The following RGS6 variants were observed in gnomAD, a reference collection of about 807,000 sequenced individuals.
The protein encoded by RGS6 is regulator of G-protein signaling 6.
RGS6 carries 30 observed loss-of-function variants against 78.5 expected under a neutral mutation model. That is an observed-to-expected ratio of 0.38 (90% confidence interval 0.29 to 0.52). The LOEUF (loss-of-function observed/expected upper bound fraction) is 0.52, where lower values mean the gene tolerates loss of function less well. Ranked by LOEUF, RGS6 falls within the 20% of genes least tolerant of loss-of-function variation. The probability of loss-of-function intolerance (pLI) is 0.85; values close to 1 mark genes in which losing one functional copy is unlikely to be tolerated. For synonymous variants in RGS6, 206 were observed against 206.0 expected (o/e 1.00, Z 0.00); for missense variants, 495 against 609.7 (o/e 0.81, Z 1.98).
At chr14:72,167,780 C>T (rs899645966) in intron 2 of RGS6, among the ~76,000 whole-genome samples, 1 of 152,112 alleles carries the variant, frequency 6.6e-6, no homozygotes, top group Non-Finnish European at 1.5e-5. Flanking sequence ...ACATTATCAC[C>T]AGGAGAAGTG....
chr14:72,339,165 A>T (rs557016886), intron 2 of RGS6, among the ~76,000 whole-genome samples: 1 of 152,154 alleles, frequency 6.6e-6, no homozygotes, highest in Non-Finnish European at 1.5e-5. Flanking sequence ...CCAGCCCCCA[A>T]TGTGATACTG....
chr14:72,186,080 C>A (rs1478955293), intron 2 of RGS6, among the ~76,000 whole-genome samples: 1 of 152,222 alleles, frequency 6.6e-6, no homozygotes, highest in African/African-American at 2.4e-5. Context: ...CATATCTAGG[C>A]AGCTGGCGTG....
At chr14:72,005,065 G>T (rs965577050) in intron 2 of RGS6, among the ~76,000 whole-genome samples, 11 of 152,164 alleles carry the variant, frequency 7.2e-5, no homozygotes, top group African/African-American at 2.7e-4. Flanking sequence ...AGTTGTAATT[G>T]CCTGGGTCTT....
At chr14:72,369,763 G>A (rs1252985341) in intron 3 of RGS6, among the ~76,000 whole-genome samples, 1 of 152,088 alleles carries the variant, frequency 6.6e-6, no homozygotes, top group African/African-American at 2.4e-5. Context: ...CAGGTCTAAT[G>A]TAGTTTAAAA....
At chr14:72,499,677 GT>G (rs997455810) in intron 13 of RGS6, among the ~76,000 whole-genome samples, 5 of 148,508 alleles carry the variant, frequency 3.4e-5, no homozygotes, top group South Asian at 2.1e-4. Context: ...TTTGTTTGTT[GT>G]TTTTTTTTTA....
chr14:72,170,272 G>A (rs958264648), intron 2 of RGS6, among the ~76,000 whole-genome samples: 1 of 152,158 alleles, frequency 6.6e-6, no homozygotes, highest in Admixed American at 6.5e-5. Context: ...ACAGACTGAG[G>A]TAGACCTTAT....
intron 2 of RGS6, among the ~76,000 whole-genome samples, chr14:71,995,684 G>A (rs1482479468): frequency 1.3e-5 from 2 of 152,170 alleles, no homozygotes; most frequent in Non-Finnish European, 2.9e-5. Context: ...CACCTGAAAT[G>A]TTCCCTTATA....
At chr14:72,405,802 G>A (rs564524584) in intron 3 of RGS6, among the ~76,000 whole-genome samples, 78 of 152,136 alleles carry the variant, frequency 5.1e-4, no homozygotes, top group Non-Finnish European at 8.8e-4. Context: ...GCCTTCTTTG[G>A]TGATGGGATT....
At chr14:72,458,500 T>C in intron 5 of RGS6, 123 bp downstream of exon 5, 1 of 719,632 alleles carries the variant, frequency 1.4e-6, no homozygotes, top group Non-Finnish European at 2.3e-6. Context: ...TCATCAGCAC[T>C]GGGAAAGCCA....
chr14:72,101,269 G>A (rs2095522244), intron 2 of RGS6, among the ~76,000 whole-genome samples: 1 of 152,180 alleles, frequency 6.6e-6, no homozygotes, highest in South Asian at 2.1e-4. Context: ...TGAAACAACA[G>A]ATGAAACAGG....
At chr14:72,182,080 G>A (rs2097179778) in intron 2 of RGS6, among the ~76,000 whole-genome samples, 1 of 152,186 alleles carries the variant, frequency 6.6e-6, no homozygotes, top group Non-Finnish European at 1.5e-5. Context: ...ATGAAATCAG[G>A]TGTGAGGTTT....
rs1443037842 is a variant in RGS6 at position 72,228,630 on chromosome 14, T to C, written c.85-123465T>C. On this transcript the variant is annotated intron_variant, in intron 2 of 17. Coordinates refer to ENST00000553525, the MANE Select transcript of RGS6 (RefSeq NM_001204424.2). Reference sequence around the variant, plus strand: ...ACAGAAGATGAACTTGAATCGAACATTGAATGTAGCAATAGTAGTGTGGGA... The same window carrying C: ...ACAGAAGATGAACTTGAATCGAACACTGAATGTAGCAATAGTAGTGTGGGA... 3.3e-5 allele frequency among the ~76,000 whole-genome samples: 5 copies of C among 152,142 alleles called. No homozygotes were observed. In the South Asian group the frequency reaches 8.3e-4, roughly 25 times the overall value.
intron 2 of RGS6, among the ~76,000 whole-genome samples, chr14:72,218,104 A>G (rs10132818): frequency 0.46 from 70,183 of 151,994 alleles, 16,583 homozygotes; most frequent in Middle Eastern, 0.6. Context: ...AGCGTGTCCC[A>G]TAGGTGAACA....
chr14:72,081,908 A>G (rs1478147289), intron 2 of RGS6, among the ~76,000 whole-genome samples: 2 of 152,030 alleles, frequency 1.3e-5, no homozygotes, highest in African/African-American at 4.8e-5. Context: ...AATAATGCGG[A>G]AAGTTCTCAT....
chr14:72,441,009 G>C (rs1028382947), intron 3 of RGS6, among the ~76,000 whole-genome samples: 1 of 152,190 alleles, frequency 6.6e-6, no homozygotes, highest in Admixed American at 6.5e-5. Context: ...GTTAGTGTGA[G>C]TGTTGCCTGC....
At chr14:72,616,372 A>G in the RGS6 span, among the ~76,000 whole-genome samples, 1 of 152,072 alleles carries the variant, frequency 6.6e-6, no homozygotes, top group African/African-American at 2.4e-5. Context: ...CCCCAACCCC[A>G]TGTACATCCC....
chr14:71,948,046 G>A (rs2091791904), intron 1 of RGS6, among the ~76,000 whole-genome samples: 2 of 152,272 alleles, frequency 1.3e-5, no homozygotes, highest in South Asian at 4.1e-4. Flanking sequence ...AAATTTATCT[G>A]ACCACATAAT....
chr14:71,893,650 C>T, the RGS6 span, among the ~76,000 whole-genome samples: 1 of 152,162 alleles, frequency 6.6e-6, no homozygotes, highest in African/African-American at 2.4e-5. Flanking sequence ...TTGTATTACA[C>T]AGTAGGATTT....
chr14:72,364,273 ACC>A (rs2082063595), intron 3 of RGS6, among the ~76,000 whole-genome samples: 2 of 152,136 alleles, frequency 1.3e-5, no homozygotes, highest in Admixed American at 1.3e-4. Flanking sequence ...TCTCATGCTT[ACC>A]TCTAGTTGCT....
Sources: allele counts gnomAD v4.1 joint callset (sites outside exome capture counted in the v4.1 genomes callset), GRCh38; gene constraint gnomAD v4.1.1; transcripts MANE v1.5; gene names NCBI Gene and HGNC (gene_info 2026-07-23, HGNC 2026-07-21).